The following STARD7 variants were observed in gnomAD, a reference collection of about 807,000 sequenced individuals.
STARD7 encodes StAR related lipid transfer domain containing 7.
STARD7 carries 30 observed loss-of-function variants against 45.3 expected under a neutral mutation model. The observed-to-expected ratio is 0.66, with a 90% CI of 0.50 to 0.90. STARD7 has a LOEUF of 0.90. Among genes scored for constraint, STARD7 ranks in the 40% least tolerant of loss-of-function variants. STARD7 has a pLI of 0.00. For missense variants in STARD7, 495 were observed against 491.3 expected (o/e 1.01, Z -0.07); for synonymous variants, 199 against 183.0 (o/e 1.09, Z -0.70).
chr2:96,194,195 A>C (rs1231493152), intron 3 of STARD7, among the ~76,000 whole-genome samples: 2 of 152,242 alleles, frequency 1.3e-5, no homozygotes, highest in African/African-American at 4.8e-5. Context: ...CCCTGTCTCT[A>C]AGAAAAAAAA....
chr2:96,185,809 T>C lies in STARD7; in HGVS notation c.*921A>G, dbSNP rs1383052814. Reference sequence around the variant, plus strand: ...AATCAAAATGGTGTTTTCTATACAATCGGACTAGGGTAGAATCCTGCTCAA... The same window carrying C: ...AATCAAAATGGTGTTTTCTATACAACCGGACTAGGGTAGAATCCTGCTCAA... On this transcript the variant is annotated 3_prime_UTR_variant, in exon 8 of 8. Coordinates refer to ENST00000337288, the MANE Select transcript of STARD7 (RefSeq NM_020151.4). 1 of 152,302 alleles carries C rather than the reference T, an allele frequency of 6.6e-6. No individual in the cohort carries two copies. The highest frequency in any genetic ancestry group is 2.1e-4 in the South Asian group (1 of 4,832). The allele number at this position is 152,302 out of a possible 1,614,324, so 9.4% of individuals were successfully genotyped here. A position where few individuals can be genotyped will look rare whatever the true frequency, so the allele number is the denominator to read the frequency against.
intron 6 of STARD7, among the ~76,000 whole-genome samples, chr2:96,191,376 T>C (rs1352839875): frequency 6.6e-6 from 1 of 152,214 alleles, no homozygotes; most frequent in Non-Finnish European, 1.5e-5. Context: ...TCTACTTCTG[T>C]ATCTTTTGTA....
At chr2:96,199,639 T>C (rs1355126334) in intron 1 of STARD7, among the ~76,000 whole-genome samples, 1 of 152,218 alleles carries the variant, frequency 6.6e-6, no homozygotes, top group Non-Finnish European at 1.5e-5. Flanking sequence ...CCAATCTAAA[T>C]GACTTTCATT....
At chr2:96,190,334 T>C (rs1683105980) in intron 6 of STARD7, among the ~76,000 whole-genome samples, 2 of 145,488 alleles carry the variant, frequency 1.4e-5, no homozygotes, top group Non-Finnish European at 3.0e-5. Context: ...TAAGTCTGTG[T>C]CTTTTTTTTT....
chr2:96,204,504 G>A (rs1048000534), intron 1 of STARD7, among the ~76,000 whole-genome samples: 6 of 151,970 alleles, frequency 3.9e-5, no homozygotes, highest in African/African-American at 1.2e-4. Flanking sequence ...GCAGTGAGCC[G>A]AGATCATGCC....
At chr2:96,196,443 C>T (rs767878951) in intron 1 of STARD7, among the ~76,000 whole-genome samples, 5 of 152,134 alleles carry the variant, frequency 3.3e-5, no homozygotes, top group Admixed American at 2.0e-4. Flanking sequence ...CTGGGCAATA[C>T]AGTAAGACTC....
chr2:96,206,833 C>T (rs371283807), intron 1 of STARD7, among the ~76,000 whole-genome samples: 1 of 146,774 alleles, frequency 6.8e-6, no homozygotes, highest in African/African-American at 2.5e-5. Flanking sequence ...AAGTGGAACA[C>T]GGACATTTCA....
At chr2:96,206,294 G>A (rs1172801217) in intron 1 of STARD7, among the ~76,000 whole-genome samples, 1 of 152,046 alleles carries the variant, frequency 6.6e-6, no homozygotes, top group African/African-American at 2.4e-5. Flanking sequence ...ATAAGCCAAA[G>A]AGTGTCATCT....
intron 3 of STARD7, among the ~76,000 whole-genome samples, chr2:96,194,330 G>A (rs570562103): frequency 1.3e-5 from 2 of 151,984 alleles, no homozygotes; most frequent in East Asian, 1.9e-4. Context: ...TCCAGCCTGG[G>A]TAACACAGCA....
At chr2:96,199,982 G>A (rs181347310) in intron 1 of STARD7, among the ~76,000 whole-genome samples, 18 of 152,264 alleles carry the variant, frequency 1.2e-4, no homozygotes, top group African/African-American at 4.3e-4. Flanking sequence ...ATGAAGAACC[G>A]ACCTTGCCGT....
chr2:96,185,992 TAGA>T lies in STARD7; in HGVS notation c.*735_*737del, dbSNP rs1454094356. ...GAAGGAGGCAATGATCCAATGAATATAGAAGAACTGGCCGATTCACAGGAAACT... is the reference window on the plus strand; with the variant it reads ...GAAGGAGGCAATGATCCAATGAATATAGAACTGGCCGATTCACAGGAAACT... On this transcript the variant is annotated 3_prime_UTR_variant, in exon 8 of 8. Transcript: ENST00000337288. The T allele has an allele frequency of 2.0e-5, 3 of 152,148 alleles. No homozygotes were observed. Among genetic ancestry groups the T allele is most frequent in the Non-Finnish European group, 2.9e-5 (2 of 68,032 alleles). 9.4% of individuals were successfully genotyped at this position (152,148 alleles called of 1,614,324 possible).
chr2:96,190,964 G>A (rs1382363415), intron 6 of STARD7, among the ~76,000 whole-genome samples: 1 of 152,136 alleles, frequency 6.6e-6, no homozygotes, highest in African/African-American at 2.4e-5. Flanking sequence ...AGGAGTTTGA[G>A]ACCAGCCTGC....
chr2:96,193,906 G>A (rs1003643599), intron 3 of STARD7, among the ~76,000 whole-genome samples: 2 of 152,188 alleles, frequency 1.3e-5, no homozygotes, highest in Non-Finnish European at 2.9e-5. Flanking sequence ...TATAACCAAC[G>A]AAGTAGTTAT....
intron 6 of STARD7, among the ~76,000 whole-genome samples, chr2:96,190,225 T>C (rs1308642043): frequency 2.0e-5 from 3 of 152,110 alleles, no homozygotes; most frequent in African/African-American, 7.2e-5. Flanking sequence ...TCTGGGGTCA[T>C]GTCAAAGGGG....
intron 1 of STARD7, among the ~76,000 whole-genome samples, chr2:96,203,344 AAG>A (rs1485591784): frequency 1.3e-5 from 2 of 152,260 alleles, no homozygotes; most frequent in African/African-American, 4.8e-5. Flanking sequence ...AGATTAGAAA[AAG>A]GATCAAGAAA....
In STARD7 at chr2:96,208,303, G is replaced by GAGCTGCGCGATC; in HGVS notation, c.120_131dup (p.Ile41_Leu44dup). The GAGCTGCGCGATC allele has an allele frequency of 3.7e-6, 6 of 1,608,864 alleles. No homozygotes were observed. The highest frequency in any genetic ancestry group is 5.1e-6 in the Non-Finnish European group (6 of 1,178,738). ...AGCTCTCGGAGTAGAGGCGGCCGTA[G>GAGCTGCGCGATC]AGCTGCGCGATCTGCTGCGCGCGCC... On this transcript the variant is annotated inframe_insertion, in exon 1 of 8. Coordinates refer to ENST00000337288, the MANE Select transcript of STARD7 (RefSeq NM_020151.4).
At chr2:96,197,099 A>AC (rs1172682859) in intron 1 of STARD7, among the ~76,000 whole-genome samples, 117 of 143,400 alleles carry the variant, frequency 8.2e-4, no homozygotes, top group Non-Finnish European at 1.5e-3. Context: ...AATAAAATAA[A>AC]ATAAAATAAA....
intron 5 of STARD7, 102 bp downstream of exon 5, chr2:96,192,976 G>T: frequency 2.5e-6 from 2 of 814,672 alleles, no homozygotes; most frequent in African/African-American, 1.7e-5. Context: ...AGGGAAGCCT[G>T]TGGGAGACTC....
chr2:96,187,257 C>T lies in STARD7; in HGVS notation c.888G>A (p.Thr296=), dbSNP rs375847325. 4.4e-5 allele frequency: 71 copies of T among 1,613,810 alleles called. 1 individual carries two copies. The East Asian group carries it at 1.1e-3, about 26-fold the overall frequency. The change falls in exon 7 of 8, where the codon ACG becomes ACA. Residue 296 remains threonine, a synonymous_variant. Transcript: ENST00000337288. The stretch of plus-strand genomic sequence containing the variant: ...AACTAACACAGTAGCGAGGAAACAC[C>T]GTTTGGGGATTGTCACTGTATGTTA... ...YLLTYSDNPQ[T]VFPRYCVSWM... is the part of the protein sequence containing the mutation.
Sources: allele counts gnomAD v4.1 joint callset (sites outside exome capture counted in the v4.1 genomes callset), GRCh38; gene constraint gnomAD v4.1.1; transcripts MANE v1.5; gene names NCBI Gene and HGNC (gene_info 2026-07-23, HGNC 2026-07-21).